Variants in CCDC3 observed in about 807,000 individuals in gnomAD.
The protein encoded by CCDC3 is coiled-coil domain containing 3.
Under a neutral mutation model 21.4 loss-of-function variants are expected in CCDC3, and 24 were observed. That is an observed-to-expected ratio of 1.12 (90% CI 0.81 to 1.58). CCDC3 has a LOEUF of 1.58. CCDC3 is among the 40% of genes most tolerant of loss of function. The pLI, the probability that CCDC3 is intolerant of heterozygous loss-of-function variation, is 0.00. For missense variants in CCDC3, 425 were observed against 360.9 expected (o/e 1.18, Z -1.44); for synonymous variants, 186 against 166.0 (o/e 1.12, Z -0.93).
intron 2 of CCDC3, among the ~76,000 whole-genome samples, chr10:12,976,465 G>GT (rs1307353312): frequency 6.6e-6 from 1 of 152,160 alleles, no homozygotes; most frequent in Non-Finnish European, 1.5e-5. Context: ...GAGGAGCTGG[G>GT]TGGCCAGGAA....
chr10:12,973,085 T>A (rs919297761), intron 2 of CCDC3, among the ~76,000 whole-genome samples: 1 of 152,222 alleles, frequency 6.6e-6, no homozygotes, highest in African/African-American at 2.4e-5. Context: ...TACCATTGAC[T>A]GTGCCCTTAC....
intron 5 of CCDC3, among the ~76,000 whole-genome samples, chr10:13,019,922 A>G (rs531188088): frequency 2.0e-5 from 3 of 152,280 alleles, no homozygotes; most frequent in Non-Finnish European, 2.9e-5. Flanking sequence ...CTTGAAACCT[A>G]AAGGTGGAAG....
chr10:13,035,229 C>G (rs1438271267), intron 5 of CCDC3, among the ~76,000 whole-genome samples: 2 of 151,950 alleles, frequency 1.3e-5, no homozygotes, highest in Admixed American at 1.3e-4. Flanking sequence ...GCATTTTTCT[C>G]CTGTTTTTGC....
At chr10:13,030,917 T>C (rs911465952) in intron 5 of CCDC3, among the ~76,000 whole-genome samples, 2 of 152,130 alleles carry the variant, frequency 1.3e-5, no homozygotes, top group Non-Finnish European at 2.9e-5. Context: ...CACCCCACTG[T>C]CAACATTAGA....
chr10:13,078,766 A>G (rs914246736), intron 3 of CCDC3, among the ~76,000 whole-genome samples: 5 of 152,194 alleles, frequency 3.3e-5, no homozygotes, highest in African/African-American at 1.2e-4. Context: ...AAGGACAGAA[A>G]ACCAAACACC....
chr10:12,906,094 G>A (rs1399930453), intron 2 of CCDC3, among the ~76,000 whole-genome samples: 1 of 152,194 alleles, frequency 6.6e-6, no homozygotes, highest in Non-Finnish European at 1.5e-5. Flanking sequence ...CTATGAGGAG[G>A]TGGGCAGAGA....
At chr10:13,040,356 G>C (rs754209127) in intron 5 of CCDC3, among the ~76,000 whole-genome samples, 16 of 152,164 alleles carry the variant, frequency 1.1e-4, no homozygotes, top group Non-Finnish European at 2.2e-4. Flanking sequence ...AAAAGGAAGT[G>C]AGCCTTATCT....
intron 2 of CCDC3, among the ~76,000 whole-genome samples, chr10:12,991,257 AT>A (rs1835676653): frequency 6.6e-6 from 1 of 151,888 alleles, no homozygotes; most frequent in Non-Finnish European, 1.5e-5. Context: ...AACACTGTTC[AT>A]TTTTTCCCTC....
chr10:13,055,159 A>G (rs996515609), intron 4 of CCDC3, among the ~76,000 whole-genome samples: 5 of 152,148 alleles, frequency 3.3e-5, no homozygotes, highest in Non-Finnish European at 5.9e-5. Flanking sequence ...CTCTCCATCA[A>G]GGCCTCTCTT....
chr10:13,096,015 T>C (rs1187353521), intron 3 of CCDC3, among the ~76,000 whole-genome samples: 3 of 152,208 alleles, frequency 2.0e-5, no homozygotes, highest in East Asian at 3.8e-4. Flanking sequence ...TCATAGCATA[T>C]GTAGTCTTTG....
At chr10:12,954,685 G>A (rs921305024) in intron 2 of CCDC3, among the ~76,000 whole-genome samples, 1 of 152,120 alleles carries the variant, frequency 6.6e-6, no homozygotes, top group African/African-American at 2.4e-5. Flanking sequence ...CACGGAGATG[G>A]CACCAAGCCA....
intron 4 of CCDC3, among the ~76,000 whole-genome samples, chr10:13,071,402 C>A (rs507767): frequency 0.72 from 109,842 of 152,100 alleles, 39,876 homozygotes; most frequent in Admixed American, 0.79. Context: ...ATGATAATGG[C>A]AGTTAAAAGA....
intron 2 of CCDC3, among the ~76,000 whole-genome samples, chr10:12,906,969 ACTT>A (rs1359303308): frequency 2.0e-5 from 3 of 152,110 alleles, no homozygotes; most frequent in African/African-American, 4.8e-5. Flanking sequence ...ATGACATTCT[ACTT>A]CTTCTCCAAG....
chr10:13,003,366 A>G (rs1345799663), upstream of CCDC3, among the ~76,000 whole-genome samples: 1 of 152,222 alleles, frequency 6.6e-6, no homozygotes, highest in Non-Finnish European at 1.5e-5. Flanking sequence ...GTTAATTGAC[A>G]CCAAAGATCA....
At chr10:13,040,989 T>C (rs567068591) in intron 5 of CCDC3, among the ~76,000 whole-genome samples, 4 of 152,320 alleles carry the variant, frequency 2.6e-5, no homozygotes, top group Admixed American at 2.6e-4. Flanking sequence ...TGACTTTTAA[T>C]GTTCTCAAGG....
At chr10:12,993,188 A>G (rs534978565) in intron 2 of CCDC3, among the ~76,000 whole-genome samples, 2 of 152,228 alleles carry the variant, frequency 1.3e-5, no homozygotes, top group Non-Finnish European at 2.9e-5. Context: ...AGCTTCCAGT[A>G]ATAAGCCCTT....
chr10:12,916,250 G>A (rs556989980), intron 2 of CCDC3, among the ~76,000 whole-genome samples: 14 of 152,192 alleles, frequency 9.2e-5, no homozygotes, highest in South Asian at 8.3e-4. Flanking sequence ...TGGCCAACAT[G>A]GTGAAACCCC....
At chr10:13,048,603 A>C (rs1186175024) in intron 5 of CCDC3, among the ~76,000 whole-genome samples, 1 of 152,112 alleles carries the variant, frequency 6.6e-6, no homozygotes, top group Non-Finnish European at 1.5e-5. Flanking sequence ...GGAGACTCTC[A>C]TATAATTGGG....
intron 4 of CCDC3, among the ~76,000 whole-genome samples, chr10:13,066,912 A>G (rs758170319): frequency 2.2e-4 from 33 of 151,906 alleles, no homozygotes; most frequent in Non-Finnish European, 4.0e-4. Flanking sequence ...TCCTCTGCCC[A>G]CCCTTCAATG....
Sources: allele counts gnomAD v4.1 joint callset (sites outside exome capture counted in the v4.1 genomes callset), GRCh38; gene constraint gnomAD v4.1.1; transcripts MANE v1.5; gene names NCBI Gene and HGNC (gene_info 2026-07-23, HGNC 2026-07-21).